Variants in PPP6R2 observed in about 807,000 individuals in gnomAD.
PPP6R2 encodes the protein serine/threonine-protein phosphatase 6 regulatory subunit 2.
Under a neutral mutation model 100.2 loss-of-function variants are expected in PPP6R2, and 62 were observed. The ratio of observed to expected loss-of-function variants is 0.62; its 90% CI spans 0.50 to 0.76. The LOEUF is 0.76. Ranked by LOEUF, PPP6R2 falls within the 30% of genes least tolerant of loss-of-function variation. The pLI is 0.00. For synonymous variants in PPP6R2, 525 were observed against 514.7 expected (o/e 1.02, Z -0.27); for missense variants, 1,142 against 1,276.3 (o/e 0.89, Z 1.60).
rs1477187440 is a variant in PPP6R2 at position 50,436,682 on chromosome 22, A to G, written c.1602+230A>G. Among the ~76,000 whole-genome samples the G allele has an allele frequency of 6.6e-5, 10 of 152,238 alleles. No homozygotes were observed. The South Asian group carries it at 1.0e-3, about 16-fold the overall frequency. ...GCTGGGTCTCTGAGGACCTCTGTGC[A>G]GAGCCGGTGTTGGCCTCAGGTCCCT... On this transcript the variant is annotated intron_variant, in intron 14 of 23. Coordinates refer to ENST00000612753, the MANE Select transcript of PPP6R2 (RefSeq NM_001242898.2).
rs559363724 is a variant in PPP6R2, at chr22:50,423,199, C to T, written c.973-263C>T. On this transcript the variant is annotated intron_variant, in intron 9 of 23. Transcript: ENST00000612753. This position sits in a 1 kb window ranked among gnomAD's most constrained non-coding sequence, Gnocchi z 4.8. The stretch of plus-strand genomic sequence containing the variant: ...ACATCTCACCCGCTGAGGTGCACGG[C>T]TCTCTGGCCCTGCAGGCTCAGACTG... Among the ~76,000 whole-genome samples, 2 of 152,326 alleles carry T rather than the reference C, an allele frequency of 1.3e-5. No individual in the cohort carries two copies. The highest frequency in any genetic ancestry group is 4.1e-4 in the South Asian group (2 of 4,822).
chr22:50,443,572 T>C, intron 22 of PPP6R2: 1 of 477,460 alleles, frequency 2.1e-6, no homozygotes, highest in African/African-American at 1.9e-5. Context: ...CACAGGAGGC[T>C]CTGGGGTCCT....
chr22:50,441,130 A>G, intron 22 of PPP6R2, 104 bp downstream of exon 22: 1 of 1,057,018 alleles, frequency 9.5e-7, no homozygotes, highest in Non-Finnish European at 1.3e-6. Flanking sequence ...AGGCCAGGCC[A>G]GGGTCTTCTC....
chr22:50,401,880 C>T (rs9616949), intron 3 of PPP6R2, among the ~76,000 whole-genome samples: 51,136 of 151,922 alleles, frequency 0.34, 9,539 homozygotes, highest in East Asian at 0.74. Flanking sequence ...GTGATCCGCC[C>T]GCCTTGTTCT....
chr22:50,378,013 G>T (rs2051996778), intron 2 of PPP6R2, among the ~76,000 whole-genome samples: 1 of 152,054 alleles, frequency 6.6e-6, no homozygotes, highest in Non-Finnish European at 1.5e-5. Context: ...AATAAAAGAA[G>T]TCTACAGATT....
At chr22:50,380,103 T>G (rs987588958) in intron 2 of PPP6R2, among the ~76,000 whole-genome samples, 1 of 152,314 alleles carries the variant, frequency 6.6e-6, no homozygotes, top group Admixed American at 6.5e-5. Context: ...ACAGTTCTGG[T>G]TCTGGTAAGA....
At chr22:50,385,989 A>C (rs1226583828) in intron 2 of PPP6R2, among the ~76,000 whole-genome samples, 1 of 144,042 alleles carries the variant, frequency 6.9e-6, no homozygotes, top group African/African-American at 2.6e-5. Context: ...ACGCCAGGCT[A>C]ATTTTTTGTA....
chr22:50,339,160 T>G (rs572719231), upstream of PPP6R2, among the ~76,000 whole-genome samples: 29 of 145,966 alleles, frequency 2.0e-4, no homozygotes, highest in African/African-American at 7.4e-4. Flanking sequence ...GTGTGTGGTA[T>G]GTGGTGTGTG....
Position 50,440,969 on chromosome 22 carries a change from C to A in PPP6R2, c.2522C>A (p.Pro841His), listed in dbSNP as rs2065443311. 2 of 1,611,824 alleles carry A rather than the reference C, an allele frequency of 1.2e-6. No individual in the cohort carries two copies. The highest frequency in any genetic ancestry group is 1.7e-6 in the Non-Finnish European group (2 of 1,179,002). The change falls in exon 22 of 24, where the codon CCC (proline) becomes CAC (histidine). Residue 841 changes from proline (P) to histidine (H), a missense_variant. Coordinates refer to ENST00000612753, the MANE Select transcript of PPP6R2 (RefSeq NM_001242898.2). ...GCCATGGATGCGGTGAGCAGGGGTC[C>A]CGGCCGGGAGGCCCCCCCGCTGCCC... The part of the protein sequence containing the change: ...ASAMDAVSRG[P>H]GREAPPLPTV...
chr22:50,351,279 A>G (rs1486091457), intron 1 of PPP6R2, among the ~76,000 whole-genome samples: 1 of 145,708 alleles, frequency 6.9e-6, no homozygotes, highest in African/African-American at 2.6e-5. Flanking sequence ...ACCTCAAGTG[A>G]TCCGCCCGCC....
At chr22:50,432,827 A>G (rs2063422485) in intron 12 of PPP6R2, among the ~76,000 whole-genome samples, 1 of 152,192 alleles carries the variant, frequency 6.6e-6, no homozygotes, top group South Asian at 2.1e-4. Flanking sequence ...CGATATGAGG[A>G]GGGACTCCAG....
At chr22:50,396,328 C>G (rs2056852020) in intron 3 of PPP6R2, among the ~76,000 whole-genome samples, 3 of 151,840 alleles carry the variant, frequency 2.0e-5, no homozygotes, top group African/African-American at 7.3e-5. Flanking sequence ...AACCCCGTCT[C>G]TACTAAAAAT....
chr22:50,395,327 G>A (rs1218027430), intron 3 of PPP6R2, among the ~76,000 whole-genome samples: 1 of 152,176 alleles, frequency 6.6e-6, no homozygotes, highest in Non-Finnish European at 1.5e-5. Context: ...GGAGCCTCAG[G>A]GCCTTGAGTC....
In PPP6R2 at chr22:50,418,869, G is replaced by A. The variant is rs771211347; in HGVS notation, c.621G>A (p.Arg207=). ...ELIHPSQDED[R]QSNASQTLCD... Reference sequence around the variant, plus strand: ...CTGTGTTTCCCTTGTCTTTTCAGAGGCAGTCAAATGCTTCTCAGACTCTCT... The same window carrying A: ...CTGTGTTTCCCTTGTCTTTTCAGAGACAGTCAAATGCTTCTCAGACTCTCT... The change falls in exon 7 of 24, where the codon AGG becomes AGA. Residue 207 remains arginine, a splice_region_variant and synonymous_variant. Coordinates refer to ENST00000612753, the MANE Select transcript of PPP6R2 (RefSeq NM_001242898.2). 1 of 1,610,654 alleles carries A rather than the reference G, an allele frequency of 6.2e-7. No individual in the cohort carries two copies. The highest frequency in any genetic ancestry group is 1.1e-5 in the South Asian group (1 of 90,988).
At chr22:50,440,484 A>G (rs1388821322) in intron 21 of PPP6R2, among the ~76,000 whole-genome samples, 1 of 152,210 alleles carries the variant, frequency 6.6e-6, no homozygotes, top group African/African-American at 2.4e-5. Context: ...CTGGCTCCCA[A>G]CACTGGTGTC....
At chr22:50,360,249 C>T (rs961520871) in intron 1 of PPP6R2, among the ~76,000 whole-genome samples, 2 of 151,766 alleles carry the variant, frequency 1.3e-5, no homozygotes, top group African/African-American at 4.8e-5. Context: ...GATGGGGCTT[C>T]ACCGTGTTGG....
intron 22 of PPP6R2, among the ~76,000 whole-genome samples, chr22:50,441,913 T>C (rs1200964968): frequency 6.6e-6 from 1 of 152,092 alleles, no homozygotes; most frequent in East Asian, 1.9e-4. Context: ...AGGACTGGGC[T>C]TGACGTGGGG....
At chr22:50,429,679 CTCT>C (rs1405093885) in intron 10 of PPP6R2, among the ~76,000 whole-genome samples, 1 of 152,174 alleles carries the variant, frequency 6.6e-6, no homozygotes, top group African/African-American at 2.4e-5. Flanking sequence ...TTAGTGTTAA[CTCT>C]TCTTTAAATG....
chr22:50,337,612 G>A, the PPP6R2 span, among the ~76,000 whole-genome samples: 1 of 116,328 alleles, frequency 8.6e-6, no homozygotes, highest in Admixed American at 7.7e-5. Context: ...GGGGGTGTGT[G>A]TGCTGTGTGC....
Sources: gnomAD v4.1 joint callset for allele counts (sites outside exome capture counted in the v4.1 genomes callset) on GRCh38, gnomAD v4.1.1 for gene constraint, Gnocchi (gnomAD v3.1) non-coding constraint, MANE v1.5 for transcripts, NCBI Gene and HGNC (gene_info 2026-07-23, HGNC 2026-07-21) for gene names.